Variants in RALA observed in about 807,000 individuals in gnomAD.
RALA encodes RAS like proto-oncogene A.
In RALA, 5 loss-of-function variants were observed where a neutral mutation model predicts 24.0. The ratio of observed to expected loss-of-function variants is 0.21; its 90% CI spans 0.11 to 0.44. The LOEUF is 0.44. Among genes scored for constraint, RALA ranks in the 20% least tolerant of loss-of-function variants. The pLI is 0.99. For missense variants in RALA, 95 were observed against 241.2 expected, an observed-to-expected ratio of 0.39 and a Z score of 4.01; for synonymous variants, 77 against 83.8, an observed-to-expected ratio of 0.92 and a Z score of 0.44.
At chr7:39,645,160 A>G (rs1040587664) in intron 1 of RALA, among the ~76,000 whole-genome samples, 1 of 152,136 alleles carries the variant, frequency 6.6e-6, no homozygotes, top group Admixed American at 6.6e-5. Flanking sequence ...AGAACTGAGT[A>G]CTCATTTTTT....
At chr7:39,695,734 T>G (rs967889156) in intron 3 of RALA, among the ~76,000 whole-genome samples, 1 of 152,140 alleles carries the variant, frequency 6.6e-6, no homozygotes, top group African/African-American at 2.4e-5. Flanking sequence ...TATTTTTTAT[T>G]TGCAGTTAGT....
intron 1 of RALA, among the ~76,000 whole-genome samples, chr7:39,632,156 C>T (rs965155321): frequency 9.2e-5 from 14 of 152,220 alleles, no homozygotes; most frequent in African/African-American, 3.1e-4. Context: ...CTAGGCCCGC[C>T]TCCAACCTTG....
rs942694155 is a variant in RALA at position 39,653,092 on chromosome 7, C to T, written c.-38+29267C>T. Among the ~76,000 whole-genome samples, 11 of 151,044 alleles carry T rather than the reference C, an allele frequency of 7.3e-5. No individual in the cohort carries two copies. In the South Asian group the frequency reaches 1.7e-3, roughly 23 times the overall value. On this transcript the variant is annotated intron_variant, in intron 1 of 4. Transcript: ENST00000005257. ...TTGCCCAGGCTGGAGTGCAGTGGTG[C>T]GATCTCGGCTCACTGCAACCTCCAC... is the stretch of plus-strand genomic sequence containing the variant.
rs115097510 is a variant in RALA, at chr7:39,695,629, C to T, written c.324-1056C>T. ...GTGTTGCCTGGGCTGGTATTGAACT[C>T]CTAGCCTCAAGCAATCCTCCTGCCT... On this transcript the variant is annotated intron_variant, in intron 3 of 4. Coordinates refer to ENST00000005257, the MANE Select transcript of RALA (RefSeq NM_005402.4). Among the ~76,000 whole-genome samples, 1,017 of 152,072 alleles carry T rather than the reference C, an allele frequency of 6.7e-3. 11 individuals are homozygous for T. Among genetic ancestry groups the T allele is most frequent in the African/African-American group, 0.023 (958 of 41,460 alleles).
chr7:39,706,635 C>T lies in RALA; in HGVS notation c.*390C>T. On this transcript the variant is annotated 3_prime_UTR_variant, in exon 5 of 5. Coordinates refer to ENST00000005257, the MANE Select transcript of RALA (RefSeq NM_005402.4). ...CATTTTAAAATGTCTTGGTCTTCTA[C>T]TGCCTTGAAAAATGACAATTGTGAA... 1 of 154,530 alleles carries T rather than the reference C, an allele frequency of 6.5e-6. No homozygotes were observed. The highest frequency in any genetic ancestry group is 1.9e-4 in the East Asian group (1 of 5,244). The allele number at this position is 154,530 out of a possible 1,614,324, so 9.6% of individuals were successfully genotyped here.
At chr7:39,643,825 C>T (rs559099661) in intron 1 of RALA, among the ~76,000 whole-genome samples, 23 of 152,286 alleles carry the variant, frequency 1.5e-4, no homozygotes, top group Admixed American at 7.2e-4. Flanking sequence ...GCCACCTGCA[C>T]TCCAGCCTGG....
chr7:39,660,065 G>T (rs1395914319), intron 1 of RALA, among the ~76,000 whole-genome samples: 2 of 151,956 alleles, frequency 1.3e-5, no homozygotes, highest in Non-Finnish European at 2.9e-5. Flanking sequence ...ACAATTTAAG[G>T]CCAGGCACAG....
chr7:39,688,579 A>ATT (rs34265657), intron 2 of RALA, among the ~76,000 whole-genome samples: 22,843 of 142,634 alleles, frequency 0.16, 2,330 homozygotes, highest in Non-Finnish European at 0.23. Context: ...CACATGCCTA[A>ATT]TTTTTTTTTT....
chr7:39,692,786 C>T (rs1204988233), intron 3 of RALA, among the ~76,000 whole-genome samples: 1 of 152,132 alleles, frequency 6.6e-6, no homozygotes, highest in Admixed American at 6.5e-5. Flanking sequence ...ACTATATATA[C>T]ACACATATGA....
chr7:39,647,792 C>T (rs1451324342), intron 1 of RALA, among the ~76,000 whole-genome samples: 2 of 152,188 alleles, frequency 1.3e-5, no homozygotes, highest in Admixed American at 1.3e-4. Flanking sequence ...AATGGGTCCT[C>T]ACCAGACACC....
At chr7:39,654,135 A>G (rs757224230) in intron 1 of RALA, among the ~76,000 whole-genome samples, 2 of 152,234 alleles carry the variant, frequency 1.3e-5, no homozygotes, top group Non-Finnish European at 2.9e-5. Context: ...ACACAGTCAC[A>G]TCACCCTATC....
intron 2 of RALA, among the ~76,000 whole-genome samples, chr7:39,687,781 A>T (rs1792734822): frequency 2.0e-5 from 3 of 152,186 alleles, no homozygotes; most frequent in African/African-American, 7.2e-5. Flanking sequence ...GGAGATGGTG[A>T]TATCCCCATT....
intron 1 of RALA, among the ~76,000 whole-genome samples, chr7:39,675,688 T>C (rs1283427485): frequency 1.3e-5 from 2 of 151,064 alleles, no homozygotes; most frequent in Admixed American, 1.3e-4. Flanking sequence ...ATGGTACCAT[T>C]ACATTCTACA....
At chr7:39,697,446 A>G (rs1241821522) in intron 4 of RALA, 2 of 456,694 alleles carry the variant, frequency 4.4e-6, no homozygotes, top group Admixed American at 2.3e-5. Context: ...AACACCTGCA[A>G]GTACATTTCA....
At chr7:39,647,855 A>G (rs1035871749) in intron 1 of RALA, among the ~76,000 whole-genome samples, 1 of 152,212 alleles carries the variant, frequency 6.6e-6, no homozygotes, top group East Asian at 1.9e-4. Context: ...ACTGTAAGAA[A>G]TAAATTTTTG....
intron 1 of RALA, among the ~76,000 whole-genome samples, chr7:39,631,364 C>T (rs1791596028): frequency 1.3e-5 from 2 of 150,996 alleles, no homozygotes; most frequent in Admixed American, 1.3e-4. Context: ...GAAGAACTGA[C>T]ATCTTTTTTT....
intron 3 of RALA, among the ~76,000 whole-genome samples, chr7:39,693,368 T>C (rs916215659): frequency 1.3e-5 from 2 of 151,626 alleles, no homozygotes; most frequent in South Asian, 2.1e-4. Flanking sequence ...AATTGAACAA[T>C]GAGAACACTT....
At chr7:39,652,608 C>G (rs1176627420) in intron 1 of RALA, among the ~76,000 whole-genome samples, 4 of 152,046 alleles carry the variant, frequency 2.6e-5, no homozygotes, top group Non-Finnish European at 2.9e-5. Flanking sequence ...TAAAGCAATT[C>G]TAATATTCCT....
intron 1 of RALA, among the ~76,000 whole-genome samples, chr7:39,671,439 CTGTGGACTGAGTATA>C (rs1792385921): frequency 6.6e-6 from 1 of 152,238 alleles, no homozygotes; most frequent in East Asian, 1.9e-4. Context: ...TTTGCACTGA[CTGTGGACTGAGTATA>C]TGTGGCATAT....
Sources: allele counts gnomAD v4.1 joint callset (sites outside exome capture counted in the v4.1 genomes callset), GRCh38; gene constraint gnomAD v4.1.1; transcripts MANE v1.5; gene names NCBI Gene and HGNC (gene_info 2026-07-23, HGNC 2026-07-21).